Variants in AGBL1 observed in about 807,000 individuals in gnomAD.
The protein encoded by AGBL1 is AGBL carboxypeptidase 1.
AGBL1 carries 130 observed loss-of-function variants against 118.9 expected under a neutral mutation model. The ratio of observed to expected loss-of-function variants is 1.09; its 90% confidence interval spans 0.95 to 1.26. The LOEUF is 1.26. Ranked by LOEUF, AGBL1 falls within the 50% of genes most tolerant of loss-of-function variation. The probability of loss-of-function intolerance (pLI) is 0.00; values close to 1 mark genes in which losing one functional copy is unlikely to be tolerated. For missense variants in AGBL1, 1,584 were observed against 1,298.1 expected (o/e 1.22, Z -3.38); for synonymous variants, 555 against 478.9 (o/e 1.16, Z -2.08).
chr15:86,836,438 G>A (rs556542818), intron 22 of AGBL1, among the ~76,000 whole-genome samples: 1 of 152,128 alleles, frequency 6.6e-6, no homozygotes, highest in African/African-American at 2.4e-5. Flanking sequence ...ACAGTGTAAT[G>A]GATGAAAGAA....
intron 23 of AGBL1, among the ~76,000 whole-genome samples, chr15:86,986,413 ATTACT>A (rs760736880): frequency 7.2e-5 from 11 of 152,306 alleles, no homozygotes; most frequent in Non-Finnish European, 1.2e-4. Context: ...TACTTTCTTA[ATTACT>A]TTATAATACG....
At position 87,010,611 on chromosome 15, in the gene AGBL1, G is replaced by A. The variant is rs76613948; in HGVS notation, c.3324-18214G>A. Among the ~76,000 whole-genome samples the A allele has an allele frequency of 7.7e-4, 118 of 152,274 alleles. 1 individual carries two copies. In the East Asian group the frequency reaches 0.018, roughly 23 times the overall value. On this transcript the variant is annotated intron_variant, in intron 24 of 24. Coordinates refer to the AGBL1 transcript ENST00000441037. ...CTGGCCTTTGAACTTCACAACTTGC[G>A]CCATTCCCCTGCTCCCCATCCTGGA...
At chr15:86,134,351 C>T (rs1382329652) in intron 1 of AGBL1, among the ~76,000 whole-genome samples, 3 of 152,154 alleles carry the variant, frequency 2.0e-5, no homozygotes, top group African/African-American at 2.4e-5. Flanking sequence ...GCTCTTGGCT[C>T]ATGAGTTTGG....
intron 22 of AGBL1, among the ~76,000 whole-genome samples, chr15:86,688,948 C>G (rs938378893): frequency 6.6e-6 from 1 of 152,088 alleles, no homozygotes; most frequent in African/African-American, 2.4e-5. Context: ...AATTTTATGT[C>G]AATGGAATCA....
intron 21 of AGBL1, among the ~76,000 whole-genome samples, chr15:86,631,304 G>T (rs897742935): frequency 6.7e-6 from 1 of 148,772 alleles, no homozygotes; most frequent in Non-Finnish European, 1.5e-5. Context: ...ACGTAGGTTT[G>T]GGGAGAAAAA....
intron 1 of AGBL1, among the ~76,000 whole-genome samples, chr15:86,094,962 C>T (rs1424271708): frequency 6.6e-6 from 1 of 152,140 alleles, no homozygotes; most frequent in Non-Finnish European, 1.5e-5. Context: ...AACTTCCGAC[C>T]AATTGGCTTC....
intron 22 of AGBL1, among the ~76,000 whole-genome samples, chr15:86,829,817 CAT>C (rs368293339): frequency 6.6e-6 from 1 of 151,998 alleles, no homozygotes; most frequent in Non-Finnish European, 1.5e-5. Context: ...CTATTTATAA[CAT>C]AGATTTATTG....
intron 20 of AGBL1, among the ~76,000 whole-genome samples, chr15:86,552,691 C>T (rs2083680534): frequency 2.0e-5 from 3 of 152,054 alleles, no homozygotes; most frequent in Non-Finnish European, 4.4e-5. Flanking sequence ...ACAACTAATA[C>T]ATACACAATA....
chr15:86,197,752 G>C (rs2077838205), intron 5 of AGBL1, among the ~76,000 whole-genome samples: 1 of 152,178 alleles, frequency 6.6e-6, no homozygotes, highest in South Asian at 2.1e-4. Context: ...ACTTGATAAA[G>C]AGATAATGAG....
At chr15:86,198,822 G>A in intron 5 of AGBL1, among the ~76,000 whole-genome samples, 1 of 152,146 alleles carries the variant, frequency 6.6e-6, no homozygotes, top group Non-Finnish European at 1.5e-5. Flanking sequence ...CCAGCCTCTA[G>A]ACTGGTGGGA....
chr15:86,959,306 T>C (rs2080966567), intron 23 of AGBL1, among the ~76,000 whole-genome samples: 1 of 152,152 alleles, frequency 6.6e-6, no homozygotes, highest in Non-Finnish European at 1.5e-5. Context: ...TAAATCTACT[T>C]ATACAAACAC....
chr15:86,885,264 G>A (rs879924080), intron 22 of AGBL1, among the ~76,000 whole-genome samples: 6 of 151,950 alleles, frequency 3.9e-5, no homozygotes, highest in Non-Finnish European at 8.8e-5. Context: ...TATTGTATGT[G>A]GCATATAGTA....
At chr15:86,212,747 T>G (rs2078121051) in intron 5 of AGBL1, among the ~76,000 whole-genome samples, 1 of 152,178 alleles carries the variant, frequency 6.6e-6, no homozygotes, top group Admixed American at 6.5e-5. Flanking sequence ...CCTCCCAGGT[T>G]CAAGCGATTC....
At chr15:86,898,458 G>A (rs2080164049) in intron 22 of AGBL1, among the ~76,000 whole-genome samples, 1 of 152,110 alleles carries the variant, frequency 6.6e-6, no homozygotes, top group African/African-American at 2.4e-5. Context: ...TTATTGAATA[G>A]GTAGTCTTTT....
At position 86,677,301 on chromosome 15, in the gene AGBL1, C is replaced by G. The variant is rs1014428786; in HGVS notation, c.3158+2865C>G. Among the ~76,000 whole-genome samples, 9 of 152,136 alleles carry G rather than the reference C, an allele frequency of 5.9e-5. 1 individual carries two copies. Among genetic ancestry groups the G allele is most frequent in the Non-Finnish European group, 1.5e-5 (1 of 68,020 alleles). ...ACGCTGAAAATGAAGTACATGCATGCTTTGTTTTTGGTTTCCTTTTGCAGT... is the reference window on the plus strand; with the variant it reads ...ACGCTGAAAATGAAGTACATGCATGGTTTGTTTTTGGTTTCCTTTTGCAGT... On this transcript the variant is annotated intron_variant, in intron 22 of 22. Transcript: ENST00000614907.
At chr15:86,810,880 G>A (rs1463462280) in intron 22 of AGBL1, among the ~76,000 whole-genome samples, 1 of 152,160 alleles carries the variant, frequency 6.6e-6, no homozygotes, top group Admixed American at 6.6e-5. Flanking sequence ...CACACCTCAA[G>A]CAGCTCTAAG....
intron 22 of AGBL1, among the ~76,000 whole-genome samples, chr15:86,820,279 A>G (rs563533594): frequency 5.3e-5 from 8 of 152,346 alleles, no homozygotes; most frequent in Admixed American, 6.5e-5. Context: ...AACAAAAGCC[A>G]AAATTGACAA....
At chr15:86,667,835 G>A (rs1055999120) in intron 21 of AGBL1, among the ~76,000 whole-genome samples, 1 of 152,126 alleles carries the variant, frequency 6.6e-6, no homozygotes, top group Non-Finnish European at 1.5e-5. Context: ...AATCTAATCT[G>A]TTGTGTTAGT....
intron 5 of AGBL1, among the ~76,000 whole-genome samples, chr15:86,182,786 G>A (rs1035311901): frequency 6.6e-6 from 1 of 152,014 alleles, no homozygotes; most frequent in Non-Finnish European, 1.5e-5. Flanking sequence ...TATTTTATAG[G>A]AGGATCTCTA....
Sources: gnomAD v4.1 joint callset for allele counts (sites outside exome capture counted in the v4.1 genomes callset) on GRCh38, gnomAD v4.1.1 for gene constraint, MANE v1.5 for transcripts, NCBI Gene and HGNC (gene_info 2026-07-23, HGNC 2026-07-21) for gene names.